The following RUBCN variants were observed in gnomAD, a reference collection of about 807,000 sequenced individuals.
The protein encoded by RUBCN is run domain Beclin-1-interacting and cysteine-rich domain-containing protein.
In RUBCN, 74 loss-of-function variants were observed where a neutral mutation model predicts 113.2. The observed-to-expected ratio is 0.65, with a 90% CI of 0.54 to 0.79. The LOEUF is 0.79. Among genes scored for constraint, RUBCN ranks in the 30% least tolerant of loss-of-function variants. The pLI is 0.00. For missense variants in RUBCN, 1,109 were observed against 1,251.7 expected (o/e 0.89, Z 1.72); for synonymous variants, 480 against 490.0 (o/e 0.98, Z 0.27).
chr3:197,701,035 A>G lies in RUBCN; in HGVS notation c.839T>C (p.Val280Ala). The G allele has an allele frequency of 1.2e-6, 2 of 1,614,012 alleles. No individual in the cohort carries two copies. Among genetic ancestry groups the G allele is most frequent in the Non-Finnish European group, 1.7e-6 (2 of 1,179,952 alleles). ...DQTIQAPPVSVSALARDSPLT... is the reference protein window; with the variant it reads ...DQTIQAPPVSASALARDSPLT... ...AGGGGAATCCCTGGCTAGTGCAGAG[A>G]CTGAAACTGGGGGGGCTTGGATGGT... Residue 280 changes from valine (V) to alanine (A), a missense_variant, in exon 7 of 20, where the codon GTC becomes GCC. Val to Ala is a moderately conservative substitution (Grantham distance 64). Transcript: ENST00000296343.
At chr3:197,701,576 G>A (rs1270284164) in intron 6 of RUBCN, 132 bp downstream of exon 6, 1 of 759,858 alleles carries the variant, frequency 1.3e-6, no homozygotes, top group African/African-American at 1.7e-5. Flanking sequence ...TATATAACTT[G>A]TAAAGATGTC....
chr3:197,731,077 G>C (rs1727401904), intron 1 of RUBCN, among the ~76,000 whole-genome samples: 1 of 151,468 alleles, frequency 6.6e-6, no homozygotes, highest in Non-Finnish European at 1.5e-5. Context: ...CAATAGTGGA[G>C]GGAAGGTCAG....
chr3:197,718,446 C>A (rs1725784411), intron 1 of RUBCN, among the ~76,000 whole-genome samples: 2 of 151,950 alleles, frequency 1.3e-5, no homozygotes, highest in Admixed American at 6.6e-5. Flanking sequence ...GGGGTATAAC[C>A]CATTCAGATC....
Position 197,674,848 on chromosome 3 carries a change from G to GAA in RUBCN, c.*169_*170insTT. On this transcript the variant is annotated 3_prime_UTR_variant, in exon 20 of 20. Transcript: ENST00000296343. ...ACTCTGGACCCATCAACCTGCCGACGGCTGACTGCACACAGACGTCAGACA... is the reference window on the plus strand; with the variant it reads ...ACTCTGGACCCATCAACCTGCCGACGAAGCTGACTGCACACAGACGTCAGACA... The GAA allele has an allele frequency of 1.7e-6, 1 of 593,590 alleles. No individual in the cohort carries two copies. Among genetic ancestry groups the GAA allele is most frequent in the Admixed American group, 3.5e-5 (1 of 28,240 alleles). The allele number at this position is 593,590 out of a possible 1,614,324, so 36.8% of individuals were successfully genotyped here.
At chr3:197,719,525 A>G (rs1378124411) in intron 1 of RUBCN, among the ~76,000 whole-genome samples, 1 of 151,724 alleles carries the variant, frequency 6.6e-6, no homozygotes, top group African/African-American at 2.4e-5. Flanking sequence ...AAAAGCAAAC[A>G]TTAAGTACTC....
At chr3:197,717,553 G>A (rs1220952127) in intron 2 of RUBCN, among the ~76,000 whole-genome samples, 1 of 152,190 alleles carries the variant, frequency 6.6e-6, no homozygotes, top group Non-Finnish European at 1.5e-5. Context: ...AGAGAAGCTG[G>A]AAAAGGCAAG....
At chr3:197,676,689 C>T in intron 18 of RUBCN, 196 bp downstream of exon 18, 1 of 1,440,054 alleles carries the variant, frequency 6.9e-7, no homozygotes. Flanking sequence ...CTCCTCCCCT[C>T]ACTCGAGGTT....
Position 197,675,229 on chromosome 3 carries a change from A to T in RUBCN, c.2741-33T>A. 1 of 1,611,414 alleles carries T rather than the reference A, an allele frequency of 6.2e-7. No homozygotes were observed. The highest frequency in any genetic ancestry group is 1.3e-5 in the African/African-American group (1 of 75,018). On this transcript the variant is annotated intron_variant, in intron 19 of 19. Transcript: ENST00000296343. The surrounding 1 kb of genome is among the most constrained non-coding windows in gnomAD (Gnocchi z 4.4). Reference sequence around the variant, plus strand: ...GGTTGGGAAGGTGGGGGAGAGAAGAAAACAATTTGTATTATCTCCAGCTAG... The same window carrying T: ...GGTTGGGAAGGTGGGGGAGAGAAGATAACAATTTGTATTATCTCCAGCTAG...
chr3:197,719,060 T>A (rs1269592337), intron 1 of RUBCN, among the ~76,000 whole-genome samples: 1 of 152,180 alleles, frequency 6.6e-6, no homozygotes, highest in South Asian at 2.1e-4. Context: ...GACACAGTTT[T>A]CCCATGTGCC....
intron 18 of RUBCN, chr3:197,676,172 GTAAAT>G (rs1042547092): frequency 5.6e-5 from 55 of 989,214 alleles, no homozygotes; most frequent in Non-Finnish European, 6.3e-5. Context: ...TGAGAAGAAA[GTAAAT>G]TATTCTCTTC....
intron 1 of RUBCN, among the ~76,000 whole-genome samples, chr3:197,734,123 G>C (rs1727839936): frequency 6.6e-6 from 1 of 151,914 alleles, no homozygotes; most frequent in Non-Finnish European, 1.5e-5. Flanking sequence ...TGGGCGTGGT[G>C]GCGGGCACCT....
intron 1 of RUBCN, among the ~76,000 whole-genome samples, chr3:197,744,736 T>G (rs1251208599): frequency 6.6e-6 from 1 of 152,204 alleles, no homozygotes; most frequent in East Asian, 1.9e-4. Context: ...ATATACTGTA[T>G]GATTCCATTT....
chr3:197,709,542 G>T (rs576718842), intron 2 of RUBCN, among the ~76,000 whole-genome samples: 1 of 152,064 alleles, frequency 6.6e-6, no homozygotes, highest in Non-Finnish European at 1.5e-5. Flanking sequence ...CACCATGCCC[G>T]GCTAGTTTTG....
intron 1 of RUBCN, among the ~76,000 whole-genome samples, chr3:197,735,563 T>A (rs925196767): frequency 2.0e-5 from 3 of 152,198 alleles, no homozygotes; most frequent in African/African-American, 7.2e-5. Flanking sequence ...CTCCGATTCA[T>A]CATTTAGTCA....
intron 1 of RUBCN, among the ~76,000 whole-genome samples, chr3:197,733,520 C>T (rs1398059449): frequency 6.6e-6 from 1 of 152,104 alleles, no homozygotes; most frequent in Non-Finnish European, 1.5e-5. Flanking sequence ...GATGCTATCT[C>T]ATCAAGAAGA....
intron 4 of RUBCN, among the ~76,000 whole-genome samples, chr3:197,704,295 A>C (rs1255094002): frequency 6.6e-6 from 1 of 152,172 alleles, no homozygotes; most frequent in Non-Finnish European, 1.5e-5. Flanking sequence ...TTAGCTGGGC[A>C]TGGTGGCACA....
At chr3:197,682,236 A>G (rs563687582) in intron 14 of RUBCN, among the ~76,000 whole-genome samples, 3 of 152,294 alleles carry the variant, frequency 2.0e-5, no homozygotes, top group African/African-American at 7.2e-5. Flanking sequence ...ACTGGGAGGA[A>G]AGCTACAGGT....
intron 18 of RUBCN, 83 bp downstream of exon 18, chr3:197,676,802 G>A: frequency 6.2e-7 from 1 of 1,607,192 alleles, no homozygotes; most frequent in Non-Finnish European, 8.5e-7. Flanking sequence ...CTCAAGCTAA[G>A]TGGCAAGAAC....
chr3:197,687,649 A>G (rs1044156853), intron 11 of RUBCN, among the ~76,000 whole-genome samples: 1 of 152,214 alleles, frequency 6.6e-6, no homozygotes, highest in Admixed American at 6.5e-5. Flanking sequence ...ACGCCCTCAT[A>G]AACAGCTCCC....
Sources: allele counts gnomAD v4.1 joint callset (sites outside exome capture counted in the v4.1 genomes callset), GRCh38; gene constraint gnomAD v4.1.1; non-coding constraint Gnocchi (gnomAD v3.1); transcripts MANE v1.5; gene names NCBI Gene and HGNC (gene_info 2026-07-23, HGNC 2026-07-21).